The following MITF variants were observed in gnomAD, a reference collection of about 807,000 sequenced individuals.
The protein encoded by MITF is melanocyte inducing transcription factor.
Under a neutral mutation model 60.5 loss-of-function variants are expected in MITF, and 17 were observed. That is an observed-to-expected ratio of 0.28 (90% CI 0.19 to 0.42). MITF has a LOEUF of 0.42. Ranked by LOEUF, MITF falls within the 10% of genes least tolerant of loss-of-function variation. The probability of loss-of-function intolerance (pLI) is 1.00; values close to 1 mark genes in which losing one functional copy is unlikely to be tolerated. For synonymous variants in MITF, 260 were observed against 248.5 expected, an observed-to-expected ratio of 1.05 and a Z score of -0.43; for missense variants, 622 against 683.5, an observed-to-expected ratio of 0.91 and a Z score of 1.00.
intron 9 of MITF, among the ~76,000 whole-genome samples, chr3:69,962,303 C>T (rs1250769680): frequency 6.6e-6 from 1 of 152,176 alleles, no homozygotes; most frequent in Non-Finnish European, 1.5e-5. Context: ...GAGCATGAAT[C>T]CTTTATGTCA....
At chr3:69,860,405 G>A (rs2063991788) in intron 1 of MITF, among the ~76,000 whole-genome samples, 3 of 152,072 alleles carry the variant, frequency 2.0e-5, no homozygotes, top group African/African-American at 7.2e-5. Flanking sequence ...GGGAGATCGA[G>A]ACCACGGTGA....
chr3:69,933,384 G>A (rs1486951702), intron 2 of MITF, among the ~76,000 whole-genome samples: 1 of 152,076 alleles, frequency 6.6e-6, no homozygotes, highest in Non-Finnish European at 1.5e-5. Context: ...AAACTGACAT[G>A]TGATGTGCTC....
intron 9 of MITF, among the ~76,000 whole-genome samples, chr3:69,961,991 T>C (rs1469798267): frequency 6.6e-6 from 1 of 152,246 alleles, no homozygotes; most frequent in Non-Finnish European, 1.5e-5. Flanking sequence ...AGGAAAGCTC[T>C]GTGATGCAAT....
intron 1 of MITF, among the ~76,000 whole-genome samples, chr3:69,831,720 A>G (rs376467120): frequency 1.3e-5 from 2 of 152,192 alleles, no homozygotes; most frequent in East Asian, 3.8e-4. Flanking sequence ...CAGTTAATCA[A>G]TCAGCAAATA....
chr3:69,806,803 A>T (rs1002713255), intron 1 of MITF, among the ~76,000 whole-genome samples: 38 of 152,202 alleles, frequency 2.5e-4, no homozygotes, highest in Non-Finnish European at 4.4e-5. Context: ...CAGGATTCTG[A>T]TAAAGATTGA....
At chr3:69,936,935 A>T in intron 2 of MITF, 1 of 473,602 alleles carries the variant, frequency 2.1e-6, no homozygotes, top group Non-Finnish European at 3.6e-6. Context: ...CAAAGTAAAT[A>T]TTAGTAGGAT....
intron 1 of MITF, among the ~76,000 whole-genome samples, chr3:69,821,939 C>T (rs1181773573): frequency 1.3e-5 from 2 of 151,980 alleles, no homozygotes; most frequent in Non-Finnish European, 2.9e-5. Flanking sequence ...GATGGGGTTT[C>T]GCCATGTTGG....
Position 69,937,873 on chromosome 3 carries a change from C to T in MITF, c.406C>T (p.Arg136Trp), listed in dbSNP as rs200583343. The change falls in exon 3 of 10, where the codon CGG (arginine) becomes TGG (tryptophan). Residue 136 changes from arginine to tryptophan, a missense_variant. This residue lies in a region of MITF where 215 missense variants were observed against 224.8 expected (regional missense o/e 0.96). Transcript: ENST00000352241. ...CAAGTACCACATACAGCAAGCCCAA[C>T]GGCAGCAGGTAAAGCAGTACCTTTC... ...PTKYHIQQAQ[R>W]QQVKQYLSTT... is the part of the protein sequence containing the mutation. 7.4e-6 allele frequency: 12 copies of T among 1,614,092 alleles called. No homozygotes were observed. In the Admixed American group the frequency reaches 1.5e-4, roughly 20 times the overall value.
intron 1 of MITF, among the ~76,000 whole-genome samples, chr3:69,863,240 A>C (rs1040094896): frequency 1.1e-4 from 17 of 152,204 alleles, no homozygotes; most frequent in Non-Finnish European, 8.8e-5. Context: ...CTTGAGGAGC[A>C]GTATTTTAGT....
At chr3:69,959,069 C>G (rs950842046) in intron 8 of MITF, among the ~76,000 whole-genome samples, 1 of 151,974 alleles carries the variant, frequency 6.6e-6, no homozygotes, top group Non-Finnish European at 1.5e-5. Context: ...ACAGTGTACA[C>G]GGCTTGGGTG....
chr3:69,897,933 G>T (rs79766627), intron 2 of MITF, among the ~76,000 whole-genome samples: 1 of 152,268 alleles, frequency 6.6e-6, no homozygotes, highest in African/African-American at 2.4e-5. Flanking sequence ...TGTTGAATGG[G>T]AGTTGATATA....
chr3:69,819,615 C>CAACAAAACAA (rs56902121), intron 1 of MITF, among the ~76,000 whole-genome samples: 198 of 150,620 alleles, frequency 1.3e-3, no homozygotes, highest in South Asian at 4.0e-3. Context: ...AGAGTGAACT[C>CAACAAAACAA]AACAAAACAA....
At chr3:69,873,046 G>A (rs2064273907) in intron 1 of MITF, among the ~76,000 whole-genome samples, 1 of 152,132 alleles carries the variant, frequency 6.6e-6, no homozygotes, top group African/African-American at 2.4e-5. Flanking sequence ...TATCTGAGCT[G>A]CTCATGTTAC....
chr3:69,829,467 A>C (rs1329275258), intron 1 of MITF, among the ~76,000 whole-genome samples: 2 of 152,130 alleles, frequency 1.3e-5, no homozygotes, highest in Non-Finnish European at 2.9e-5. Flanking sequence ...CTTTTGATCC[A>C]CTTTTTTCTA....
chr3:69,886,192 T>C (rs2064613059), intron 2 of MITF, among the ~76,000 whole-genome samples: 1 of 152,092 alleles, frequency 6.6e-6, no homozygotes, highest in Admixed American at 6.6e-5. Context: ...TTGGGGCTTG[T>C]AGCAAATGTT....
chr3:69,947,338 A>G lies in MITF; in HGVS notation c.763-1713A>G, dbSNP rs913229474. 5.3e-5 allele frequency among the ~76,000 whole-genome samples: 8 copies of G among 152,324 alleles called. No individual in the cohort carries two copies. The South Asian group carries it at 1.2e-3, about 24-fold the overall frequency. On this transcript the variant is annotated intron_variant, in intron 5 of 9. Coordinates refer to ENST00000352241, the MANE Select transcript of MITF (RefSeq NM_001354604.2). ...CCAAGGAGTTACCAGACATCATGGC[A>G]GCTGTATAAGTTTAGTCTTTCTGGT...
chr3:69,857,482 T>C (rs1287448998), intron 1 of MITF, among the ~76,000 whole-genome samples: 2 of 151,880 alleles, frequency 1.3e-5, no homozygotes, highest in Admixed American at 1.3e-4. Context: ...TCTTCTCTCC[T>C]CCTTCCTCTT....
intron 1 of MITF, among the ~76,000 whole-genome samples, 196 bp downstream of exon 1, chr3:69,739,897 A>T (rs770863176): frequency 6.6e-6 from 1 of 152,016 alleles, no homozygotes; most frequent in African/African-American, 2.4e-5. Flanking sequence ...GGAAGCTCGG[A>T]TGGAGCGCAC....
At chr3:69,926,997 C>G (rs979954945) in intron 2 of MITF, among the ~76,000 whole-genome samples, 1 of 152,096 alleles carries the variant, frequency 6.6e-6, no homozygotes, top group Non-Finnish European at 1.5e-5. Context: ...CATGGAATGT[C>G]TAGCTTGTTT....
Sources: allele counts gnomAD v4.1 joint callset (sites outside exome capture counted in the v4.1 genomes callset), GRCh38; gene constraint gnomAD v4.1.1; regional missense constraint gnomAD v4.1.1; transcripts MANE v1.5; gene names NCBI Gene and HGNC (gene_info 2026-07-23, HGNC 2026-07-21).